The following CCDC195 variants were observed in gnomAD, a reference collection of about 807,000 sequenced individuals.
The protein encoded by CCDC195 is coiled-coil domain containing 195, also known as coiled-coil domain-containing protein 195.
chr2:224,710,340 T>C (rs1689299850), intron 1 of CCDC195, 121 bp from the exon 2 acceptor site: 2 of 396,182 alleles, frequency 5.0e-6, no homozygotes, highest in Admixed American at 4.4e-5. Flanking sequence ...ATTACTTTTT[T>C]GGCATAAAAG....
At chr2:224,704,744 T>C (rs1394112784) in intron 2 of CCDC195, among the ~76,000 whole-genome samples, 1 of 150,830 alleles carries the variant, frequency 6.6e-6, no homozygotes, top group African/African-American at 2.4e-5. Flanking sequence ...TGCCTCAGCC[T>C]CCCCAGTAGC....
chr2:224,706,189 C>CTTTTT (rs201012911), intron 2 of CCDC195, among the ~76,000 whole-genome samples: 1,737 of 33,358 alleles, frequency 0.052, 656 homozygotes, highest in African/African-American at 0.059. Flanking sequence ...TATTTTGTAA[C>CTTTTT]TTTTTTTTTT....
At chr2:224,709,813 A>C (rs534322015) in intron 2 of CCDC195, among the ~76,000 whole-genome samples, 160 bp downstream of exon 2, 1 of 152,334 alleles carries the variant, frequency 6.6e-6, no homozygotes, top group South Asian at 2.1e-4. Context: ...TAAATTTGTT[A>C]CTTTAAATTC....
At chr2:224,705,671 A>T (rs1184257125) in intron 2 of CCDC195, among the ~76,000 whole-genome samples, 1 of 152,188 alleles carries the variant, frequency 6.6e-6, no homozygotes, top group Non-Finnish European at 1.5e-5. Context: ...AATTCCTGAG[A>T]ATATAAAAGA....
intron 1 of CCDC195, among the ~76,000 whole-genome samples, chr2:224,711,361 GT>G (rs563860657): frequency 4.6e-3 from 632 of 138,044 alleles, no homozygotes; most frequent in South Asian, 0.011. Context: ...AATCTTCCCT[GT>G]TTTTTTTTTT....
chr2:224,707,954 ACCTC>A (rs1689240914), intron 2 of CCDC195, among the ~76,000 whole-genome samples: 2 of 69,520 alleles, frequency 2.9e-5, no homozygotes, highest in African/African-American at 6.4e-5. Flanking sequence ...TCTTCTCTTT[ACCTC>A]CCTCCCTCCC....
At chr2:224,706,384 T>C (rs1697241027) in intron 2 of CCDC195, among the ~76,000 whole-genome samples, 1 of 151,148 alleles carries the variant, frequency 6.6e-6, no homozygotes, top group Admixed American at 6.6e-5. Context: ...TTTGTATTTT[T>C]AGTAGAGATG....
At chr2:224,704,799 T>A (rs1283407723) in intron 2 of CCDC195, among the ~76,000 whole-genome samples, 1 of 152,082 alleles carries the variant, frequency 6.6e-6, no homozygotes, top group East Asian at 1.9e-4. Flanking sequence ...TTTTTGTGTT[T>A]TTAGTAGAGA....
chr2:224,713,120 G>C (rs998672293), intron 1 of CCDC195, among the ~76,000 whole-genome samples: 1 of 152,046 alleles, frequency 6.6e-6, no homozygotes, highest in African/African-American at 2.4e-5. Flanking sequence ...ACCCACCTTG[G>C]CCTCCCAAAG....
rs1226408749 is a variant in CCDC195, at chr2:224,706,875, A to G, written c.483-2988T>C. ...TATAGAACTGGATATATATATATGT[A>G]TGTGTGTCTGTGTGTATATATATAT... is the stretch of plus-strand genomic sequence containing the variant. On this transcript the variant is annotated intron_variant, in intron 2 of 2. Coordinates refer to ENST00000638102, the Ensembl canonical transcript of CCDC195. 2.0e-5 allele frequency among the ~76,000 whole-genome samples: 3 copies of G among 149,208 alleles called. 1 individual carries two copies. In the East Asian group the frequency reaches 5.9e-4, roughly 30 times the overall value.
chr2:224,710,163 C>T (rs183142525), exon 2 of CCDC195: 100 of 398,574 alleles, frequency 2.5e-4, no homozygotes, highest in African/African-American at 1.7e-3. Flanking sequence ...GGATCATTTA[C>T]AGCAGATGAG....
chr2:224,706,537 A>G (rs1574755454), intron 2 of CCDC195, among the ~76,000 whole-genome samples: 1 of 118,672 alleles, frequency 8.4e-6, no homozygotes, highest in Non-Finnish European at 1.7e-5. Flanking sequence ...TTTGAGACAG[A>G]GTCTCGCTGT....
At chr2:224,712,028 G>A (rs945946641) in intron 1 of CCDC195, among the ~76,000 whole-genome samples, 14 of 152,080 alleles carry the variant, frequency 9.2e-5, no homozygotes, top group Admixed American at 2.0e-4. Context: ...ATACTGAATC[G>A]TAGGAAAACA....
At chr2:224,704,651 C>G (rs190451378) in intron 2 of CCDC195, among the ~76,000 whole-genome samples, 1 of 112,830 alleles carries the variant, frequency 8.9e-6, no homozygotes, top group Non-Finnish European at 1.7e-5. Flanking sequence ...GAGACAGAGT[C>G]TCATTCTGTC....
At chr2:224,711,448 T>A (rs2124852425) in intron 1 of CCDC195, among the ~76,000 whole-genome samples, 1 of 152,084 alleles carries the variant, frequency 6.6e-6, no homozygotes, top group East Asian at 1.9e-4. Flanking sequence ...CGCCAGCTCT[T>A]ACACTGCATT....
chr2:224,705,515 T>G (rs184873785), intron 2 of CCDC195, among the ~76,000 whole-genome samples: 78 of 152,326 alleles, frequency 5.1e-4, no homozygotes, highest in African/African-American at 1.7e-3. Flanking sequence ...AGCAAATTGG[T>G]TATGATGTCT....
At chr2:224,712,243 A>G (rs1219462836) in intron 1 of CCDC195, among the ~76,000 whole-genome samples, 1 of 152,228 alleles carries the variant, frequency 6.6e-6, no homozygotes, top group Non-Finnish European at 1.5e-5. Flanking sequence ...TCACAGCCAA[A>G]TGCAGTTTAT....
At chr2:224,706,887 G>T (rs934898741) in intron 2 of CCDC195, among the ~76,000 whole-genome samples, 2 of 143,822 alleles carry the variant, frequency 1.4e-5, no homozygotes, top group Non-Finnish European at 3.0e-5. Context: ...GTGTGTCTGT[G>T]TGTATATATA....
At position 224,706,189 on chromosome 2, in the gene CCDC195, C is replaced by CTTTTTTTT. The variant is rs201012911; in HGVS notation, c.483-2310_483-2303dup. Among the ~76,000 whole-genome samples, 260 of 33,370 alleles carry CTTTTTTTT rather than the reference C, an allele frequency of 7.8e-3. 83 individuals carry two copies. Among genetic ancestry groups the CTTTTTTTT allele is most frequent in the Middle Eastern group, 0.062 (2 of 32 alleles). 21.9% of individuals were successfully genotyped at this position (33,370 alleles called of 152,430 possible). A position where few individuals can be genotyped will look rare whatever the true frequency, so the allele number is the denominator to read the frequency against. On this transcript the variant is annotated intron_variant, in intron 2 of 2. Transcript: ENST00000638102. ...TGTATATTGCCTCTATATTTTGTAACTTTTTTTTTTTTTTTTTTTTTTTTT... is the reference window on the plus strand; with the variant it reads ...TGTATATTGCCTCTATATTTTGTAACTTTTTTTTTTTTTTTTTTTTTTTTTTTTTTTTT...
Sources: gnomAD v4.1 joint callset for allele counts (sites outside exome capture counted in the v4.1 genomes callset) on GRCh38, gnomAD v4.1.1 for gene constraint, MANE v1.5 for transcripts, NCBI Gene and HGNC (gene_info 2026-07-23, HGNC 2026-07-21) for gene names.